The following SPAG16 variants were observed in gnomAD, a reference collection of about 807,000 sequenced individuals.
The protein encoded by SPAG16 is sperm associated antigen 16, also known as sperm-associated antigen 16 protein.
Under a neutral mutation model 80.4 loss-of-function variants are expected in SPAG16, and 86 were observed. The observed-to-expected ratio is 1.07, with a 90% CI of 0.90 to 1.28. The LOEUF is 1.28. Ranked by LOEUF, SPAG16 falls within the 50% of genes most tolerant of loss-of-function variation. SPAG16 has a pLI of 0.00. For missense variants in SPAG16, 870 were observed against 765.3 expected (o/e 1.14, Z -1.61); for synonymous variants, 294 against 265.9 (o/e 1.11, Z -1.03).
At chr2:213,649,062 T>C (rs2062929810) in intron 10 of SPAG16, among the ~76,000 whole-genome samples, 1 of 152,242 alleles carries the variant, frequency 6.6e-6, no homozygotes, top group Non-Finnish European at 1.5e-5. Flanking sequence ...CTTTTTTTGG[T>C]GAAATCTTCA....
intron 10 of SPAG16, among the ~76,000 whole-genome samples, chr2:213,664,917 CTA>C (rs1390599660): frequency 1.3e-5 from 2 of 152,072 alleles, no homozygotes; most frequent in East Asian, 3.9e-4. Flanking sequence ...GTTGTATTTT[CTA>C]TCTCTTTTTG....
intron 8 of SPAG16, among the ~76,000 whole-genome samples, chr2:213,366,855 G>A (rs1412417851): frequency 1.3e-5 from 2 of 151,866 alleles, no homozygotes; most frequent in African/African-American, 2.4e-5. Context: ...TGTTACATAC[G>A]TATACATGTG....
chr2:213,854,698 C>G (rs1346617563), intron 10 of SPAG16, among the ~76,000 whole-genome samples: 1 of 152,234 alleles, frequency 6.6e-6, no homozygotes, highest in Non-Finnish European at 1.5e-5. Context: ...GGTGAGGTAC[C>G]TGACAAAATT....
chr2:213,745,295 C>T (rs542523559), intron 10 of SPAG16, among the ~76,000 whole-genome samples: 26 of 151,896 alleles, frequency 1.7e-4, no homozygotes, highest in Non-Finnish European at 2.6e-4. Flanking sequence ...CAGGCTGGAG[C>T]GCAATGGAAT....
intron 15 of SPAG16, among the ~76,000 whole-genome samples, chr2:214,166,365 G>C (rs2056655322): frequency 6.6e-6 from 1 of 152,168 alleles, no homozygotes; most frequent in African/African-American, 2.4e-5. Context: ...ACTTACAGGA[G>C]AGTGAAGGGC....
intron 10 of SPAG16, among the ~76,000 whole-genome samples, chr2:213,666,736 A>G (rs2063619082): frequency 6.6e-6 from 1 of 152,214 alleles, no homozygotes; most frequent in Admixed American, 6.5e-5. Flanking sequence ...TTCAGTTTCC[A>G]GAAGAAGAGA....
At chr2:213,458,461 A>G (rs1478530137) in intron 9 of SPAG16, among the ~76,000 whole-genome samples, 2 of 152,048 alleles carry the variant, frequency 1.3e-5, no homozygotes, top group Admixed American at 6.6e-5. Flanking sequence ...AATCCCAGCT[A>G]CTAGGGAGGC....
intron 6 of SPAG16, among the ~76,000 whole-genome samples, chr2:213,347,920 AGTTCAATT>A (rs1232757159): frequency 6.6e-6 from 1 of 152,060 alleles, no homozygotes; most frequent in Non-Finnish European, 1.5e-5. Context: ...TGTGGAGCTG[AGTTCAATT>A]CCTGGATATC....
At chr2:214,092,688 C>T (rs1026356151) in intron 13 of SPAG16, among the ~76,000 whole-genome samples, 4 of 151,866 alleles carry the variant, frequency 2.6e-5, no homozygotes, top group East Asian at 3.9e-4. Flanking sequence ...TAACTTATTG[C>T]CTGTCAGCTT....
At chr2:213,632,627 A>G (rs1011266340) in intron 10 of SPAG16, among the ~76,000 whole-genome samples, 3 of 152,046 alleles carry the variant, frequency 2.0e-5, no homozygotes, top group African/African-American at 7.2e-5. Context: ...GGCTTTTATT[A>G]TGTTGAGGTA....
intron 9 of SPAG16, among the ~76,000 whole-genome samples, chr2:213,403,582 A>C (rs192090573): frequency 0.014 from 2,177 of 152,286 alleles, 25 homozygotes; most frequent in South Asian, 0.038. Flanking sequence ...TATCTATGAC[A>C]AACCCACAGC....
Position 213,531,188 on chromosome 2 carries a change from T to A in SPAG16, c.1070+41098T>A, listed in dbSNP as rs17752490. Among the ~76,000 whole-genome samples, 1,285 of 152,324 alleles carry A rather than the reference T, an allele frequency of 8.4e-3. 14 individuals are homozygous for A. The highest frequency in any genetic ancestry group is 0.027 in the Middle Eastern group (8 of 294). ...ATGAAGTTTTCACACTAGGACATTT[T>A]AACAGGTCTTTGAGCACCTTTCATA... On this transcript the variant is annotated intron_variant, in intron 10 of 15. Transcript: ENST00000331683.
intron 15 of SPAG16, among the ~76,000 whole-genome samples, chr2:214,292,827 T>A (rs1693891546): frequency 6.6e-6 from 1 of 152,212 alleles, no homozygotes; most frequent in African/African-American, 2.4e-5. Context: ...TCCTGAAGAT[T>A]TATATATGTT....
At chr2:213,710,408 G>A (rs539861004) in intron 10 of SPAG16, among the ~76,000 whole-genome samples, 2 of 152,130 alleles carry the variant, frequency 1.3e-5, no homozygotes, top group South Asian at 2.1e-4. Context: ...CTAAGCGTAA[G>A]GTATCTTAAG....
chr2:213,956,863 G>T (rs1363593313), intron 12 of SPAG16, among the ~76,000 whole-genome samples: 1 of 152,026 alleles, frequency 6.6e-6, no homozygotes, highest in Non-Finnish European at 1.5e-5. Flanking sequence ...CTCTAAGTAT[G>T]TTTAAATTTT....
chr2:213,811,160 T>A (rs1344109958), intron 10 of SPAG16, among the ~76,000 whole-genome samples: 1 of 152,230 alleles, frequency 6.6e-6, no homozygotes, highest in Non-Finnish European at 1.5e-5. Context: ...TTCTGCTTAT[T>A]TTTAAACAAA....
At chr2:213,386,233 T>A (rs1269320175) in intron 9 of SPAG16, among the ~76,000 whole-genome samples, 2 of 152,074 alleles carry the variant, frequency 1.3e-5, no homozygotes, top group Non-Finnish European at 2.9e-5. Flanking sequence ...CTCCTAGGAG[T>A]GGGGCATGGG....
chr2:214,400,346 G>GCAATCACAGATTGAAC (rs1385214721), intron 15 of SPAG16, among the ~76,000 whole-genome samples: 1 of 151,756 alleles, frequency 6.6e-6, no homozygotes, highest in East Asian at 1.9e-4. Flanking sequence ...TGCAGATTTT[G>GCAATCACAGATTGAAC]CAATCACAGA....
At chr2:213,776,286 G>C (rs1439059398) in intron 10 of SPAG16, among the ~76,000 whole-genome samples, 4 of 152,218 alleles carry the variant, frequency 2.6e-5, no homozygotes, top group East Asian at 3.8e-4. Flanking sequence ...TGGGAGATGT[G>C]ATTGCAGGAG....
Sources: gnomAD v4.1 joint callset for allele counts (sites outside exome capture counted in the v4.1 genomes callset) on GRCh38, gnomAD v4.1.1 for gene constraint, MANE v1.5 for transcripts, NCBI Gene and HGNC (gene_info 2026-07-23, HGNC 2026-07-21) for gene names.